The following STPG2 variants were observed in gnomAD, a reference collection of about 807,000 sequenced individuals.
The protein encoded by STPG2 is sperm tail PG-rich repeat containing 2, also known as sperm-tail PG-rich repeat-containing protein 2.
STPG2 carries 56 observed loss-of-function variants against 54.2 expected under a neutral mutation model. The ratio of observed to expected loss-of-function variants is 1.03; its 90% CI spans 0.83 to 1.29. The LOEUF (loss-of-function observed/expected upper bound fraction) is 1.29. Ranked by LOEUF, STPG2 falls within the 50% of genes most tolerant of loss-of-function variation. The pLI, the probability that STPG2 is intolerant of heterozygous loss-of-function variation, is 0.00. For missense variants in STPG2, 596 were observed against 544.9 expected (o/e 1.09, Z -0.93); for synonymous variants, 200 against 181.8 (o/e 1.10, Z -0.81).
At chr4:97,857,916 C>T (rs1442522665) in intron 8 of STPG2, among the ~76,000 whole-genome samples, 1 of 151,898 alleles carries the variant, frequency 6.6e-6, no homozygotes, top group Non-Finnish European at 1.5e-5. Context: ...GATTGCATCA[C>T]ACTTTCCTAA....
At chr4:97,692,175 C>A (rs1723387770) in intron 10 of STPG2, among the ~76,000 whole-genome samples, 1 of 151,666 alleles carries the variant, frequency 6.6e-6, no homozygotes, top group South Asian at 2.1e-4. Context: ...TGGATCAAAA[C>A]CAAGATGAAA....
chr4:97,890,918 TC>T (rs1336041220), intron 8 of STPG2, among the ~76,000 whole-genome samples: 1 of 151,722 alleles, frequency 6.6e-6, no homozygotes, highest in Admixed American at 6.6e-5. Flanking sequence ...AACAAAATAA[TC>T]AAAATTCACG....
At chr4:98,018,645 G>A (rs1354046747) in intron 5 of STPG2, among the ~76,000 whole-genome samples, 1 of 151,832 alleles carries the variant, frequency 6.6e-6, no homozygotes, top group African/African-American at 2.4e-5. Context: ...CAGTGTAAAA[G>A]TGTTCCTATT....
At chr4:97,591,309 G>GA (rs1733141447) in intron 10 of STPG2, among the ~76,000 whole-genome samples, 1 of 151,868 alleles carries the variant, frequency 6.6e-6, no homozygotes, top group African/African-American at 2.4e-5. Context: ...AATTAAGCCA[G>GA]AAAAAAATAG....
chr4:97,662,165 A>C (rs1313471034), intron 10 of STPG2, among the ~76,000 whole-genome samples: 1 of 152,174 alleles, frequency 6.6e-6, no homozygotes, highest in African/African-American at 2.4e-5. Context: ...TCTATAAGAA[A>C]TTAAACAAAT....
intron 4 of STPG2, among the ~76,000 whole-genome samples, chr4:98,107,194 A>G (rs929476429): frequency 2.6e-5 from 4 of 152,204 alleles, no homozygotes; most frequent in African/African-American, 7.2e-5. Flanking sequence ...TTTACCAAAA[A>G]GAGACCTATA....
At chr4:98,015,573 G>C (rs2149286077) in intron 5 of STPG2, among the ~76,000 whole-genome samples, 1 of 152,300 alleles carries the variant, frequency 6.6e-6, no homozygotes, top group South Asian at 2.1e-4. Flanking sequence ...TGCTGGAGAG[G>C]ATGTGGAGAA....
intron 7 of STPG2, among the ~76,000 whole-genome samples, chr4:97,947,372 T>A (rs757634062): frequency 2.0e-5 from 3 of 152,160 alleles, no homozygotes; most frequent in Non-Finnish European, 4.4e-5. Flanking sequence ...TTACTTCCTT[T>A]TTTGCAATCT....
At chr4:97,891,944 G>C (rs964705388) in intron 8 of STPG2, among the ~76,000 whole-genome samples, 2 of 151,968 alleles carry the variant, frequency 1.3e-5, no homozygotes, top group Non-Finnish European at 2.9e-5. Context: ...CCCCATTGCT[G>C]GCTATCTGGT....
At chr4:98,072,366 A>G (rs1279782909) in intron 5 of STPG2, among the ~76,000 whole-genome samples, 2 of 152,002 alleles carry the variant, frequency 1.3e-5, no homozygotes, top group African/African-American at 4.8e-5. Context: ...GATGAGAACA[A>G]ATGGACACAT....
At chr4:97,904,311 A>T (rs1432414432) in intron 8 of STPG2, among the ~76,000 whole-genome samples, 3 of 152,166 alleles carry the variant, frequency 2.0e-5, no homozygotes, top group Non-Finnish European at 4.4e-5. Flanking sequence ...CGAGCAGCCT[A>T]ACTGGGAGGC....
intron 3 of STPG2, among the ~76,000 whole-genome samples, chr4:98,115,645 T>C (rs1476879910): frequency 2.6e-5 from 4 of 151,948 alleles, no homozygotes; most frequent in African/African-American, 9.7e-5. Flanking sequence ...AATATGCACC[T>C]CTGGAAACTA....
chr4:97,873,625 C>T (rs898414260), intron 8 of STPG2, among the ~76,000 whole-genome samples: 2 of 151,360 alleles, frequency 1.3e-5, no homozygotes, highest in Admixed American at 6.6e-5. Context: ...TGTGTCATGC[C>T]TTTTCTTTCA....
chr4:98,136,250 T>C (rs1046671538), intron 1 of STPG2, among the ~76,000 whole-genome samples: 1 of 151,654 alleles, frequency 6.6e-6, no homozygotes, highest in Non-Finnish European at 1.5e-5. Flanking sequence ...CAATTCTTAA[T>C]CCCTTTAAAA....
At chr4:98,098,095 A>C (rs1258560385) in intron 5 of STPG2, among the ~76,000 whole-genome samples, 1 of 152,088 alleles carries the variant, frequency 6.6e-6, no homozygotes, top group Non-Finnish European at 1.5e-5. Flanking sequence ...TACCAATGAC[A>C]TTTTTCACAG....
chr4:97,695,128 T>C (rs1315846383), intron 10 of STPG2, among the ~76,000 whole-genome samples: 1 of 144,502 alleles, frequency 6.9e-6, no homozygotes, highest in Non-Finnish European at 1.5e-5. Context: ...CAAAAGCATA[T>C]AAAAAAGATA....
chr4:97,513,393 A>G (rs550681819), intron 4 of STPG2, among the ~76,000 whole-genome samples: 1 of 152,160 alleles, frequency 6.6e-6, no homozygotes, highest in South Asian at 2.1e-4. Flanking sequence ...TGATCAACTC[A>G]ACTTTCATCC....
intron 9 of STPG2, among the ~76,000 whole-genome samples, chr4:97,789,933 TA>T (rs1391194552): frequency 6.6e-6 from 1 of 152,176 alleles, no homozygotes; most frequent in African/African-American, 2.4e-5. Context: ...GCTAAAAATG[TA>T]AACATTTCAG....
intron 5 of STPG2, among the ~76,000 whole-genome samples, chr4:98,102,625 T>C (rs1405498448): frequency 6.6e-6 from 1 of 151,996 alleles, no homozygotes; most frequent in Non-Finnish European, 1.5e-5. Context: ...TTCAATGCAT[T>C]TCTGTAGCTC....
Sources: gnomAD v4.1 joint callset for allele counts (sites outside exome capture counted in the v4.1 genomes callset) on GRCh38, gnomAD v4.1.1 for gene constraint, MANE v1.5 for transcripts, NCBI Gene and HGNC (gene_info 2026-07-23, HGNC 2026-07-21) for gene names.